The following SSBP3 variants were observed in gnomAD, a reference collection of about 807,000 sequenced individuals.
SSBP3 encodes the protein single stranded DNA binding protein 3.
In SSBP3, 5 loss-of-function variants were observed where a neutral mutation model predicts 69.6. The ratio of observed to expected loss-of-function variants is 0.07; its 90% CI spans 0.04 to 0.15. The LOEUF is 0.15. Among genes scored for constraint, SSBP3 ranks in the 10% least tolerant of loss-of-function variants. SSBP3 has a pLI of 1.00. For synonymous variants in SSBP3, 196 were observed against 193.4 expected, an observed-to-expected ratio of 1.01 and a Z score of -0.11; for missense variants, 312 against 534.0, an observed-to-expected ratio of 0.58 and a Z score of 4.10.
chr1:54,368,603 T>C (rs888140042), intron 4 of SSBP3, among the ~76,000 whole-genome samples: 2 of 152,228 alleles, frequency 1.3e-5, no homozygotes, highest in Non-Finnish European at 2.9e-5. Flanking sequence ...TACTGTCTTT[T>C]TTTAAATCCA....
In SSBP3 at chr1:54,289,029, A is replaced by AAAAC. The variant is rs1557499276; in HGVS notation, c.277-7503_277-7502insGTTT. Among the ~76,000 whole-genome samples the AAAAC allele has an allele frequency of 2.7e-4, 20 of 75,100 alleles. 1 individual carries two copies. Among genetic ancestry groups the AAAAC allele is most frequent in the Admixed American group, 1.7e-3 (13 of 7,506 alleles). 49.3% of individuals were successfully genotyped at this position (75,100 alleles called of 152,430 possible). On this transcript the variant is annotated intron_variant, in intron 4 of 17. Transcript: ENST00000610401. ...AGCTAGACTCTGTCTCCAAAAAAAA[A>AAAAC]AAAAAAACAAAAAAACAAAAAAAAA... is the stretch of plus-strand genomic sequence containing the variant.
At chr1:54,279,728 G>A (rs368862153) in intron 5 of SSBP3, among the ~76,000 whole-genome samples, 26 of 152,360 alleles carry the variant, frequency 1.7e-4, no homozygotes, top group Middle Eastern at 3.4e-3. Context: ...GGTGCAGGGC[G>A]CCATCTGCAG....
At chr1:54,319,466 C>T (rs1244200904) in intron 4 of SSBP3, among the ~76,000 whole-genome samples, 3 of 152,086 alleles carry the variant, frequency 2.0e-5, no homozygotes, top group Non-Finnish European at 4.4e-5. Flanking sequence ...GGGGGAAGGA[C>T]GGGAAGCAGA....
At chr1:54,380,577 G>A (rs1051489532) in intron 4 of SSBP3, among the ~76,000 whole-genome samples, 2 of 152,212 alleles carry the variant, frequency 1.3e-5, no homozygotes, top group East Asian at 1.9e-4. Flanking sequence ...GGCCAGCTTC[G>A]GCTTCCTGAG....
chr1:54,268,527 C>T (rs1454939971), intron 5 of SSBP3, among the ~76,000 whole-genome samples: 1 of 152,252 alleles, frequency 6.6e-6, no homozygotes, highest in Non-Finnish European at 1.5e-5. Context: ...GGAAGGGGGG[C>T]TGCAAAGCCT....
intron 1 of SSBP3, among the ~76,000 whole-genome samples, chr1:54,411,627 T>C (rs1320474726): frequency 6.6e-6 from 1 of 151,798 alleles, no homozygotes; most frequent in African/African-American, 2.4e-5. Flanking sequence ...GCGCGGTGGT[T>C]CACGCCTGTA....
intron 4 of SSBP3, among the ~76,000 whole-genome samples, chr1:54,367,470 G>C (rs1021025403): frequency 6.6e-6 from 1 of 152,214 alleles, no homozygotes; most frequent in African/African-American, 2.4e-5. Context: ...ACAGGGAAAA[G>C]CATCTGAATC....
At chr1:54,264,810 T>C (rs926216568) in intron 5 of SSBP3, among the ~76,000 whole-genome samples, 1 of 152,094 alleles carries the variant, frequency 6.6e-6, no homozygotes. Flanking sequence ...GGTTTTAGGT[T>C]GTTAAGAGAT....
chr1:54,386,683 C>CTT lies in SSBP3; in HGVS notation c.276+15176_276+15177dup, dbSNP rs58429798. Among the ~76,000 whole-genome samples, 56 of 76,098 alleles carry CTT rather than the reference C, an allele frequency of 7.4e-4. 6 individuals are homozygous for CTT. The highest frequency in any genetic ancestry group is 1.9e-3 in the South Asian group (5 of 2,692). 49.9% of individuals were successfully genotyped at this position (76,098 alleles called of 152,430 possible). The stretch of plus-strand genomic sequence containing the variant: ...ATCCACAATGTATAAACTGATCCTA[C>CTT]TTTTTTTTTTTTTTTTTTTTTAAGA... On this transcript the variant is annotated intron_variant, in intron 4 of 17. Transcript: ENST00000610401.
intron 4 of SSBP3, among the ~76,000 whole-genome samples, chr1:54,384,391 A>G (rs1180146711): frequency 1.3e-5 from 2 of 152,248 alleles, no homozygotes; most frequent in Non-Finnish European, 2.9e-5. Context: ...CAGACTGCAC[A>G]GAGGGGCCCT....
chr1:54,379,994 GCTGGA>G (rs1233463330), intron 4 of SSBP3, among the ~76,000 whole-genome samples: 8 of 152,212 alleles, frequency 5.3e-5, no homozygotes, highest in African/African-American at 1.7e-4. Flanking sequence ...GGACAATGGG[GCTGGA>G]GGAGGGCCTC....
intron 4 of SSBP3, among the ~76,000 whole-genome samples, chr1:54,388,417 G>A (rs768310474): frequency 2.4e-4 from 37 of 152,326 alleles, no homozygotes; most frequent in Non-Finnish European, 4.6e-4. Flanking sequence ...GGGATTAAAT[G>A]CCATGCCCAC....
chr1:54,396,193 G>GAAAAAAAAAA (rs59276509), intron 4 of SSBP3, among the ~76,000 whole-genome samples: 38 of 40,582 alleles, frequency 9.4e-4, no homozygotes, highest in African/African-American at 1.7e-3. Flanking sequence ...CTCCATCTCA[G>GAAAAAAAAAA]AAAAAAAAAA....
intron 4 of SSBP3, among the ~76,000 whole-genome samples, chr1:54,379,496 T>C (rs1647449130): frequency 6.6e-6 from 1 of 152,218 alleles, no homozygotes; most frequent in South Asian, 2.1e-4. Context: ...CTGTCTTCAC[T>C]GAGACGCTTG....
chr1:54,294,162 AGAAAGAAAG>A (rs775217537), intron 4 of SSBP3, among the ~76,000 whole-genome samples: 3,397 of 74,774 alleles, frequency 0.045, 409 homozygotes, highest in Middle Eastern at 0.098. Flanking sequence ...AAAAAAAAAA[AGAAAGAAAG>A]AAAGAAAGAA....
At chr1:54,347,276 T>C (rs1428343254) in intron 4 of SSBP3, among the ~76,000 whole-genome samples, 2 of 152,070 alleles carry the variant, frequency 1.3e-5, no homozygotes, top group East Asian at 1.9e-4. Flanking sequence ...CCCTCCTATA[T>C]ACTTTAAATC....
At chr1:54,407,749 ATTTTTTTTTTTTTT>A (rs532968816), upstream of SSBP3, among the ~76,000 whole-genome samples, 5 of 97,534 alleles carry the variant, frequency 5.1e-5, no homozygotes, top group Admixed American at 2.0e-4. Context: ...GCCTAGGTTG[ATTTTTTTTTTTTTT>A]TTTTTTTTTT....
intron 4 of SSBP3, among the ~76,000 whole-genome samples, chr1:54,324,988 T>A (rs1646275139): frequency 6.6e-6 from 1 of 152,228 alleles, no homozygotes; most frequent in South Asian, 2.1e-4. Flanking sequence ...AGGCACAGCC[T>A]GCAGCAGCCA....
At chr1:54,278,326 CT>C (rs57603297) in intron 5 of SSBP3, among the ~76,000 whole-genome samples, 27,523 of 144,754 alleles carry the variant, frequency 0.19, 2,590 homozygotes, top group Admixed American at 0.27. Flanking sequence ...AATATTAGGG[CT>C]TTTTTTTTTT....
Sources: gnomAD v4.1 joint callset for allele counts (sites outside exome capture counted in the v4.1 genomes callset) on GRCh38, gnomAD v4.1.1 for gene constraint, MANE v1.5 for transcripts, NCBI Gene and HGNC (gene_info 2026-07-23, HGNC 2026-07-21) for gene names.